Variants in CNTN6 observed in about 807,000 individuals in gnomAD.
CNTN6 encodes contactin 6.
In CNTN6, 137 loss-of-function variants were observed where a neutral mutation model predicts 122.8. The ratio of observed to expected loss-of-function variants is 1.12; its 90% CI spans 0.97 to 1.29. The LOEUF is 1.29. Among genes scored for constraint, CNTN6 ranks in the 50% most tolerant of loss-of-function variants. The pLI is 0.00. For synonymous variants in CNTN6, 570 were observed against 426.0 expected (o/e 1.34, Z -4.16); for missense variants, 1,634 against 1,223.4 (o/e 1.34, Z -5.01).
intron 8 of CNTN6, among the ~76,000 whole-genome samples, chr3:1,322,700 A>G (rs9824355): frequency 0.041 from 6,191 of 151,542 alleles, 442 homozygotes; most frequent in African/African-American, 0.14. Context: ...TAATTATCCC[A>G]TAGGAATGTT....
chr3:1,128,768 T>TA, intron 1 of CNTN6, among the ~76,000 whole-genome samples: 1 of 124,370 alleles, frequency 8.0e-6, no homozygotes, highest in East Asian at 2.5e-4. Context: ...TGTTTGTTTC[T>TA]AAAGTTTTTA....
rs1316968469 is a variant in CNTN6 at position 1,388,188 on chromosome 3, G to C, written c.2704+2391G>C. On this transcript the variant is annotated intron_variant, in intron 20 of 22. Transcript: ENST00000446702. ...TCTGACAGCTTTGAAGAGAGCACTG[G>C]TTCTCCCAGCATGCAGCTGGAGATC... is the stretch of plus-strand genomic sequence containing the variant. Among the ~76,000 whole-genome samples, 275 of 150,798 alleles carry C rather than the reference G, an allele frequency of 1.8e-3. 4 individuals are homozygous for C. The highest frequency in any genetic ancestry group is 0.016 in the Admixed American group (244 of 15,102).
intron 2 of CNTN6, among the ~76,000 whole-genome samples, chr3:1,204,484 A>G (rs1468355062): frequency 3.9e-5 from 6 of 152,158 alleles, no homozygotes; most frequent in Admixed American, 3.9e-4. Flanking sequence ...TTTCATCTTA[A>G]AAAGATAAAT....
intron 16 of CNTN6, among the ~76,000 whole-genome samples, chr3:1,375,753 T>C (rs906280596): frequency 5.9e-5 from 9 of 152,000 alleles, no homozygotes; most frequent in African/African-American, 1.9e-4. Context: ...TCTAAAAAAT[T>C]ATGAAGCTTA....
At chr3:1,220,033 A>T (rs541091860) in intron 2 of CNTN6, among the ~76,000 whole-genome samples, 1 of 152,022 alleles carries the variant, frequency 6.6e-6, no homozygotes, top group East Asian at 2.0e-4. Context: ...AAAGAAAAAA[A>T]ATATCAACTG....
chr3:1,102,424 G>A (rs2090950760), intron 1 of CNTN6, among the ~76,000 whole-genome samples: 1 of 152,194 alleles, frequency 6.6e-6, no homozygotes, highest in Non-Finnish European at 1.5e-5. Flanking sequence ...TATCAACAGA[G>A]TTAAGAATAA....
Position 1,139,767 on chromosome 3 carries a change from T to C in CNTN6, c.-82-8160T>C, listed in dbSNP as rs558565876. On this transcript the variant is annotated intron_variant, in intron 1 of 22. Transcript: ENST00000446702. ...ATAAAAGGGAAGTGACTTACAGAAA[T>C]AGAAAGCGAGGTACAGAAGCAGCTG... Among the ~76,000 whole-genome samples, 4 of 152,090 alleles carry C rather than the reference T, an allele frequency of 2.6e-5. No individual in the cohort carries two copies. The South Asian group carries it at 6.2e-4, about 24-fold the overall frequency.
chr3:1,322,990 G>T (rs1030853093), intron 8 of CNTN6, among the ~76,000 whole-genome samples: 2 of 151,588 alleles, frequency 1.3e-5, no homozygotes, highest in Admixed American at 1.3e-4. Context: ...GATATTGAAT[G>T]CTTTGGCTAG....
intron 2 of CNTN6, among the ~76,000 whole-genome samples, chr3:1,164,761 T>C (rs1377173333): frequency 6.6e-6 from 1 of 152,216 alleles, no homozygotes; most frequent in Non-Finnish European, 1.5e-5. Flanking sequence ...CAGTTCCTGC[T>C]TACCATCCAA....
intron 1 of CNTN6, among the ~76,000 whole-genome samples, chr3:1,146,070 C>T (rs1157216700): frequency 6.6e-6 from 1 of 151,994 alleles, no homozygotes; most frequent in East Asian, 1.9e-4. Context: ...CTTTCTTGTA[C>T]TACAAAAGTA....
intron 2 of CNTN6, among the ~76,000 whole-genome samples, chr3:1,213,393 A>T (rs1209480029): frequency 6.6e-6 from 1 of 152,126 alleles, no homozygotes; most frequent in African/African-American, 2.4e-5. Context: ...TCTGCAAAAA[A>T]GTCATTCATA....
At chr3:1,186,681 T>G (rs900385497) in intron 2 of CNTN6, among the ~76,000 whole-genome samples, 5 of 152,124 alleles carry the variant, frequency 3.3e-5, no homozygotes, top group Admixed American at 6.6e-5. Context: ...TGAAAGTGGC[T>G]GTGGGGAGGA....
rs150805673 is a variant in CNTN6 at position 1,194,683 on chromosome 3, A to G, written c.56-26004A>G. ...TACTGCATTTGTATTGTTTATCTGT[A>G]TATATCTGTTTATGTATTTCTGTGC... On this transcript the variant is annotated intron_variant, in intron 2 of 22. Transcript: ENST00000446702. Among the ~76,000 whole-genome samples, 14 of 152,070 alleles carry G rather than the reference A, an allele frequency of 9.2e-5. 1 individual carries two copies. The East Asian group carries it at 2.5e-3, about 27-fold the overall frequency.
At chr3:1,284,877 C>A (rs749912283) in intron 5 of CNTN6, among the ~76,000 whole-genome samples, 3 of 152,044 alleles carry the variant, frequency 2.0e-5, no homozygotes, top group Admixed American at 6.6e-5. Context: ...GTTGGGAGAA[C>A]GGCACTGAGG....
intron 12 of CNTN6, among the ~76,000 whole-genome samples, chr3:1,365,719 C>T (rs1443258785): frequency 1.3e-5 from 2 of 151,930 alleles, no homozygotes; most frequent in Non-Finnish European, 2.9e-5. Context: ...TTGCACCAAT[C>T]CAATAAATAA....
intron 1 of CNTN6, among the ~76,000 whole-genome samples, chr3:1,110,597 T>C (rs2091435564): frequency 6.6e-6 from 1 of 152,074 alleles, no homozygotes; most frequent in Admixed American, 6.6e-5. Flanking sequence ...AGGAAGGTGA[T>C]GTATGTTGTA....
chr3:1,259,369 G>C (rs1393264555), intron 4 of CNTN6, among the ~76,000 whole-genome samples: 2 of 152,072 alleles, frequency 1.3e-5, no homozygotes, highest in Non-Finnish European at 2.9e-5. Context: ...TTAATTAATA[G>C]AAATGCAAAT....
In CNTN6 at chr3:1,251,412, G is replaced by T. The variant is rs114015670; in HGVS notation, c.358+23419G>T. ...ACTACTCCTGTCCTTCTCCTGCTTC[G>T]TCTTGTCATTCCCTCTATACTGAGA... On this transcript the variant is annotated intron_variant, in intron 4 of 22. Coordinates refer to ENST00000446702, the MANE Select transcript of CNTN6 (RefSeq NM_001289080.2). Among the ~76,000 whole-genome samples, 238 of 152,134 alleles carry T rather than the reference G, an allele frequency of 1.6e-3. 1 individual carries two copies. Among genetic ancestry groups the T allele is most frequent in the African/African-American group, 5.5e-3 (230 of 41,494 alleles).
intron 1 of CNTN6, among the ~76,000 whole-genome samples, chr3:1,112,580 A>C (rs899974765): frequency 5.3e-5 from 8 of 152,096 alleles, no homozygotes; most frequent in Non-Finnish European, 1.2e-4. Context: ...TGTTCCATCC[A>C]GGCCCCCAGC....
Sources: gnomAD v4.1 joint callset for allele counts (sites outside exome capture counted in the v4.1 genomes callset) on GRCh38, gnomAD v4.1.1 for gene constraint, MANE v1.5 for transcripts, NCBI Gene and HGNC (gene_info 2026-07-23, HGNC 2026-07-21) for gene names.